Variants in VWA3A observed in about 807,000 individuals in gnomAD.
The protein encoded by VWA3A is von Willebrand factor A domain-containing protein 3A.
Under a neutral mutation model 160.4 loss-of-function variants are expected in VWA3A, and 134 were observed. The ratio of observed to expected loss-of-function variants is 0.84; its 90% CI spans 0.73 to 0.96. The LOEUF (loss-of-function observed/expected upper bound fraction) is 0.96. Ranked by LOEUF, VWA3A falls within the 40% of genes least tolerant of loss-of-function variation. The pLI is 0.00. For synonymous variants in VWA3A, 476 were observed against 543.4 expected, an observed-to-expected ratio of 0.88 and a Z score of 1.72; for missense variants, 1,310 against 1,447.9, an observed-to-expected ratio of 0.90 and a Z score of 1.55.
intron 17 of VWA3A, among the ~76,000 whole-genome samples, chr16:22,128,456 A>G (rs887538935): frequency 6.6e-6 from 1 of 152,182 alleles, no homozygotes; most frequent in Non-Finnish European, 1.5e-5. Context: ...GGTAGCAGAG[A>G]AAAAGGAGCA....
In VWA3A at chr16:22,123,081, A is replaced by G. The variant is rs774314802; in HGVS notation, c.1357-4A>G. 3.1e-6 allele frequency: 5 copies of G among 1,596,792 alleles called. No individual in the cohort carries two copies. The highest frequency in any genetic ancestry group is 4.5e-5 in the East Asian group (2 of 44,460). Reference sequence around the variant, plus strand: ...CTCACCCTCCTGCCCATGCCTGAGTATAGAAGGCAATGATACAATTTGAAT... The same window carrying G: ...CTCACCCTCCTGCCCATGCCTGAGTGTAGAAGGCAATGATACAATTTGAAT... On this transcript the variant is annotated splice_polypyrimidine_tract_variant and splice_region_variant and intron_variant, in intron 14 of 33. Coordinates refer to ENST00000389398, the MANE Select transcript of VWA3A (RefSeq NM_173615.5).
chr16:22,155,695 C>T (rs776205593), intron 32 of VWA3A, 31 bp downstream of exon 32: 3 of 1,609,836 alleles, frequency 1.9e-6, no homozygotes, highest in Non-Finnish European at 2.6e-6. Context: ...CTCCGGCCTG[C>T]CATGTGGCTA....
chr16:22,154,924 G>A (rs570986964), intron 31 of VWA3A, among the ~76,000 whole-genome samples: 10 of 121,732 alleles, frequency 8.2e-5, no homozygotes, highest in Admixed American at 4.3e-4. Flanking sequence ...ACTGCAGTCC[G>A]CAGTCCGGCC....
chr16:22,155,168 TA>T (rs2046419991), intron 31 of VWA3A, among the ~76,000 whole-genome samples: 1 of 151,556 alleles, frequency 6.6e-6, no homozygotes, highest in African/African-American at 2.4e-5. Flanking sequence ...ATCAACCAAA[TA>T]AAAAGCATAC....
chr16:22,131,352 C>A, intron 18 of VWA3A, 73 bp downstream of exon 18: 1 of 1,547,506 alleles, frequency 6.5e-7, no homozygotes, highest in Non-Finnish European at 8.8e-7. Context: ...CTCTGTCCCC[C>A]TCTCCACCAA....
intron 29 of VWA3A, 134 bp downstream of exon 29, chr16:22,150,065 A>C: frequency 7.9e-7 from 1 of 1,270,278 alleles, no homozygotes; most frequent in Non-Finnish European, 1.1e-6. Flanking sequence ...TCATCTTCCC[A>C]ACACCCGAGT....
intron 17 of VWA3A, among the ~76,000 whole-genome samples, chr16:22,129,716 C>A (rs370442914): frequency 2.6e-5 from 4 of 151,758 alleles, no homozygotes. Context: ...TGTGGAGATG[C>A]GAAGAGGAGA....
At position 22,096,955 on chromosome 16, in the gene VWA3A, G is replaced by A. The variant is rs918004606; in HGVS notation, c.101+10G>A. 8.3e-7 allele frequency: 1 copy of A among 1,211,432 alleles called. No homozygotes were observed. The highest frequency in any genetic ancestry group is 1.2e-6 in the Non-Finnish European group (1 of 862,750). 75.0% of individuals were successfully genotyped at this position (1,211,432 alleles called of 1,614,324 possible). A position where few individuals can be genotyped will look rare whatever the true frequency, so the allele number is the denominator to read the frequency against. ...TTCTGGAAAACCATTGGTAAGCATAGTTCTCTGATTTTTTTTTTTTTTTTT... is the reference window on the plus strand; with the variant it reads ...TTCTGGAAAACCATTGGTAAGCATAATTCTCTGATTTTTTTTTTTTTTTTT... On this transcript the variant is annotated intron_variant, in intron 2 of 33. Coordinates refer to ENST00000389398, the MANE Select transcript of VWA3A (RefSeq NM_173615.5).
intron 2 of VWA3A, among the ~76,000 whole-genome samples, 156 bp from the exon 3 acceptor site, chr16:22,097,416 C>T (rs2045343905): frequency 6.6e-6 from 1 of 152,146 alleles, no homozygotes; most frequent in Non-Finnish European, 1.5e-5. Flanking sequence ...CTGGAGTCCA[C>T]ATTTTATCAG....
At position 22,121,623 on chromosome 16, in the gene VWA3A, T is replaced by G; in HGVS notation, c.1356+6T>G. Reference sequence around the variant, plus strand: ...TATCATCGACCATCCATGAGGTAATTCAGATTCATAATTCTCTCCAGTCCT... The same window carrying G: ...TATCATCGACCATCCATGAGGTAATGCAGATTCATAATTCTCTCCAGTCCT... On this transcript the variant is annotated splice_donor_region_variant and intron_variant, in intron 14 of 33. Coordinates refer to ENST00000389398, the MANE Select transcript of VWA3A (RefSeq NM_173615.5). The G allele has an allele frequency of 6.2e-7, 1 of 1,603,450 alleles. No homozygotes were observed. The highest frequency in any genetic ancestry group is 8.5e-7 in the Non-Finnish European group (1 of 1,170,674).
In VWA3A at chr16:22,121,612, C is replaced by A; in HGVS notation, c.1351C>A (p.His451Asn). The A allele has an allele frequency of 6.2e-7, 1 of 1,609,524 alleles. No individual in the cohort carries two copies. Among genetic ancestry groups the A allele is most frequent in the Non-Finnish European group, 8.5e-7 (1 of 1,176,044 alleles). Residue 451 changes from histidine to asparagine, a missense_variant, in exon 14 of 34, where the codon CAT (histidine) becomes AAT (asparagine). Coordinates refer to ENST00000389398, the MANE Select transcript of VWA3A (RefSeq NM_173615.5). ...ILQKTVSSTIHEKAMIQFEWH... is the reference protein window; with the variant it reads ...ILQKTVSSTINEKAMIQFEWH... Reference sequence around the variant, plus strand: ...CCAGAAAACAGTATCATCGACCATCCATGAGGTAATTCAGATTCATAATTC... The same window carrying A: ...CCAGAAAACAGTATCATCGACCATCAATGAGGTAATTCAGATTCATAATTC...
intron 19 of VWA3A, chr16:22,132,693 A>G (rs1354785639): frequency 1.7e-6 from 1 of 574,042 alleles, no homozygotes; most frequent in African/African-American, 1.9e-5. Context: ...TGGTATCAGG[A>G]GGCTCTCAGG....
chr16:22,137,948 T>C (rs2046074414), intron 21 of VWA3A, among the ~76,000 whole-genome samples: 1 of 152,132 alleles, frequency 6.6e-6, no homozygotes, highest in Non-Finnish European at 1.5e-5. Context: ...TACAAAGAAG[T>C]GGGGCTATGT....
intron 1 of VWA3A, among the ~76,000 whole-genome samples, chr16:22,095,653 G>A (rs907107465): frequency 6.6e-6 from 1 of 152,022 alleles, no homozygotes; most frequent in Non-Finnish European, 1.5e-5. Flanking sequence ...GAACTCCTGG[G>A]CTCAAGCGAT....
intron 27 of VWA3A, 86 bp from the exon 28 acceptor site, chr16:22,148,076 T>C (rs2046284848): frequency 2.8e-6 from 4 of 1,452,760 alleles, no homozygotes; most frequent in African/African-American, 2.9e-5. Context: ...CAAGACTTTA[T>C]ACTTGATAGA....
chr16:22,106,731 C>T (rs566287541), intron 6 of VWA3A, among the ~76,000 whole-genome samples: 1 of 152,266 alleles, frequency 6.6e-6, no homozygotes, highest in African/African-American at 2.4e-5. Flanking sequence ...AAAAGAATCA[C>T]GCTGGCTGCT....
Position 22,143,058 on chromosome 16 carries a change from G to A in VWA3A, c.2592+293G>A, listed in dbSNP as rs943373120. Among the ~76,000 whole-genome samples the A allele has an allele frequency of 8.6e-5, 13 of 151,554 alleles. No individual in the cohort carries two copies. The East Asian group carries it at 2.5e-3, about 30-fold the overall frequency. On this transcript the variant is annotated intron_variant, in intron 25 of 33. Coordinates refer to ENST00000389398, the MANE Select transcript of VWA3A (RefSeq NM_173615.5). ...CCAGCTACTTGGGAGGCTACATCATGAGAATCACTTGAAACTGGGAGGTGG... is the reference window on the plus strand; with the variant it reads ...CCAGCTACTTGGGAGGCTACATCATAAGAATCACTTGAAACTGGGAGGTGG...
At chr16:22,145,381 G>A (rs1015239978) in intron 26 of VWA3A, among the ~76,000 whole-genome samples, 5 of 152,140 alleles carry the variant, frequency 3.3e-5, no homozygotes, top group South Asian at 2.1e-4. Flanking sequence ...GCTCATGCCT[G>A]TAGTCCCAGA....
intron 25 of VWA3A, 101 bp from the exon 26 acceptor site, chr16:22,144,146 A>G: frequency 7.3e-7 from 1 of 1,376,690 alleles, no homozygotes; most frequent in Non-Finnish European, 9.7e-7. Flanking sequence ...CATTTCAAAC[A>G]TCATACAGGT....
Sources: gnomAD v4.1 joint callset for allele counts (sites outside exome capture counted in the v4.1 genomes callset) on GRCh38, gnomAD v4.1.1 for gene constraint, MANE v1.5 for transcripts, NCBI Gene and HGNC (gene_info 2026-07-23, HGNC 2026-07-21) for gene names.